Variants in ERAP1 observed in about 807,000 individuals in gnomAD.
The protein encoded by ERAP1 is adipocyte-derived leucine aminopeptidase.
Under a neutral mutation model 103.7 loss-of-function variants are expected in ERAP1, and 86 were observed. The ratio of observed to expected loss-of-function variants is 0.83; its 90% CI spans 0.70 to 0.99. The LOEUF is 0.99. Among genes scored for constraint, ERAP1 ranks in the 50% least tolerant of loss-of-function variants. ERAP1 has a pLI of 0.00. For missense variants in ERAP1, 1,009 were observed against 1,128.4 expected (o/e 0.89, Z 1.52); for synonymous variants, 398 against 402.4 (o/e 0.99, Z 0.13).
the ERAP1 span, among the ~76,000 whole-genome samples, chr5:96,932,848 A>G: frequency 2.0e-5 from 3 of 152,296 alleles, no homozygotes; most frequent in South Asian, 6.2e-4. Flanking sequence ...CTCCAAATTA[A>G]TGGTTTTCAA....
intron 3 of ERAP1, among the ~76,000 whole-genome samples, chr5:96,798,587 T>TG (rs1554041740): frequency 1.4e-5 from 2 of 148,052 alleles, no homozygotes; most frequent in Non-Finnish European, 3.1e-5. Flanking sequence ...TCATCTTTTT[T>TG]TTTTGTTTTG....
the ERAP1 span, chr5:96,901,469 C>T: frequency 3.1e-6 from 5 of 1,601,286 alleles, no homozygotes; most frequent in Non-Finnish European, 4.3e-6. Context: ...GGATTGTCTC[C>T]TCTCTCTTGA....
the ERAP1 span, among the ~76,000 whole-genome samples, chr5:96,850,369 T>G: frequency 1.3e-5 from 2 of 152,064 alleles, no homozygotes. Flanking sequence ...TAAGATATAT[T>G]AAAAAATCAA....
chr5:96,874,811 A>G, the ERAP1 span, among the ~76,000 whole-genome samples: 2 of 152,282 alleles, frequency 1.3e-5, no homozygotes, highest in African/African-American at 2.4e-5. Context: ...GGTTGCAAAC[A>G]CAAACCACAG....
At chr5:96,778,431 C>T (rs1167143151) in intron 18 of ERAP1, among the ~76,000 whole-genome samples, 2 of 152,084 alleles carry the variant, frequency 1.3e-5, no homozygotes, top group Non-Finnish European at 2.9e-5. Context: ...AATGGGCAAG[C>T]CAGGCAGAGA....
intron 15 of ERAP1, 38 bp from the exon 16 acceptor site, chr5:96,781,892 CAGTA>C: frequency 2.5e-6 from 4 of 1,607,756 alleles, no homozygotes; most frequent in Non-Finnish European, 3.4e-6. Flanking sequence ...ATCTGAGGTG[CAGTA>C]AGTATGTTTA....
At chr5:96,887,538 G>C in the ERAP1 span, among the ~76,000 whole-genome samples, 2 of 152,084 alleles carry the variant, frequency 1.3e-5, no homozygotes, top group Non-Finnish European at 2.9e-5. Flanking sequence ...GACCTCAGGT[G>C]ATCCTCCTGC....
chr5:96,901,464 G>A, the ERAP1 span: 11 of 1,595,590 alleles, frequency 6.9e-6, no homozygotes, highest in Non-Finnish European at 9.4e-6. Flanking sequence ...TCTTTGGATT[G>A]TCTCCTCTCT....
At chr5:96,891,373 A>G in the ERAP1 span, among the ~76,000 whole-genome samples, 22 of 131,252 alleles carry the variant, frequency 1.7e-4, no homozygotes, top group Non-Finnish European at 2.9e-4. Context: ...ATATATGTGT[A>G]TATATATATA....
the ERAP1 span, among the ~76,000 whole-genome samples, chr5:96,857,000 C>A: frequency 6.6e-6 from 1 of 152,188 alleles, no homozygotes; most frequent in East Asian, 1.9e-4. Context: ...AGAGCCTCAT[C>A]TTTGTAGACC....
At chr5:96,798,698 G>C (rs1777638819) in intron 3 of ERAP1, among the ~76,000 whole-genome samples, 1 of 151,336 alleles carries the variant, frequency 6.6e-6, no homozygotes, top group Non-Finnish European at 1.5e-5. Flanking sequence ...ACAACCATAA[G>C]CCACCTCACC....
the ERAP1 span, among the ~76,000 whole-genome samples, chr5:96,822,225 CCTAA>C: frequency 5.9e-5 from 9 of 152,166 alleles, no homozygotes; most frequent in African/African-American, 1.9e-4. Flanking sequence ...TACAGCACCT[CCTAA>C]CTAATATTTT....
At chr5:96,783,867 T>A in intron 14 of ERAP1, 57 bp downstream of exon 14, 1 of 1,270,986 alleles carries the variant, frequency 7.9e-7, no homozygotes, top group Non-Finnish European at 1.1e-6. Flanking sequence ...ACACACACAA[T>A]GATTAACACT....
At chr5:96,880,456 C>T in the ERAP1 span, among the ~76,000 whole-genome samples, 1 of 152,158 alleles carries the variant, frequency 6.6e-6, no homozygotes, top group East Asian at 1.9e-4. Context: ...GAGGCATAAA[C>T]AGCTAGAGGG....
chr5:96,916,212 C>T, the ERAP1 span, among the ~76,000 whole-genome samples: 1 of 148,772 alleles, frequency 6.7e-6, no homozygotes, highest in African/African-American at 2.5e-5. Context: ...CAGAGTGAGA[C>T]TCCATCTCAA....
intron 3 of ERAP1, among the ~76,000 whole-genome samples, chr5:96,799,922 T>C (rs1355051962): frequency 1.3e-5 from 2 of 152,192 alleles, no homozygotes; most frequent in African/African-American, 2.4e-5. Flanking sequence ...CCTTATGGTA[T>C]GAAGGCAGGT....
At chr5:96,886,732 A>G in the ERAP1 span, 1 of 1,542,376 alleles carries the variant, frequency 6.5e-7, no homozygotes, top group Non-Finnish European at 8.8e-7. Flanking sequence ...CATACCTTGT[A>G]GCCTACATAG....
At chr5:96,799,959 C>T (rs1356049954) in intron 3 of ERAP1, among the ~76,000 whole-genome samples, 1 of 152,142 alleles carries the variant, frequency 6.6e-6, no homozygotes, top group Non-Finnish European at 1.5e-5. Context: ...GGTTGAGAAG[C>T]ACCACACTAG....
At chr5:96,855,602 C>T in the ERAP1 span, among the ~76,000 whole-genome samples, 1 of 152,170 alleles carries the variant, frequency 6.6e-6, no homozygotes, top group African/African-American at 2.4e-5. Context: ...TTACAGAAAC[C>T]AGGAACTTTG....
Sources: gnomAD v4.1 joint callset for allele counts (sites outside exome capture counted in the v4.1 genomes callset) on GRCh38, gnomAD v4.1.1 for gene constraint, MANE v1.5 for transcripts, NCBI Gene and HGNC (gene_info 2026-07-23, HGNC 2026-07-21) for gene names.